Variants in TAAR5 observed in about 807,000 individuals in gnomAD.
TAAR5 encodes trace amine-associated receptor 5.
A neutral mutation model predicts 21.1 loss-of-function variants in TAAR5; 27 were observed. The ratio of observed to expected loss-of-function variants is 1.28; its 90% CI spans 0.94 to 1.76. The LOEUF is 1.76. Ranked by LOEUF, TAAR5 falls within the 40% of genes most tolerant of loss-of-function variation. TAAR5 has a pLI of 0.00. For synonymous variants in TAAR5, 203 were observed against 167.5 expected (o/e 1.21, Z -1.64); for missense variants, 495 against 405.6 (o/e 1.22, Z -1.89).
the TAAR5 span, among the ~76,000 whole-genome samples, chr6:132,611,880 C>T: frequency 1.3e-5 from 2 of 152,154 alleles, no homozygotes; most frequent in Non-Finnish European, 2.9e-5. Context: ...ATCCTTTTGT[C>T]ATACTTTTGC....
the TAAR5 span, among the ~76,000 whole-genome samples, chr6:132,613,637 A>G: frequency 1.3e-5 from 2 of 152,210 alleles, no homozygotes; most frequent in African/African-American, 2.4e-5. Flanking sequence ...TCAGATTTGC[A>G]ATGCAATATA....
At chr6:132,600,029 A>G in the TAAR5 span, among the ~76,000 whole-genome samples, 1 of 152,228 alleles carries the variant, frequency 6.6e-6, no homozygotes, top group Non-Finnish European at 1.5e-5. Context: ...TACTAATAGT[A>G]ACTGTAGGAG....
At chr6:132,605,268 A>G in the TAAR5 span, among the ~76,000 whole-genome samples, 236 of 152,352 alleles carry the variant, frequency 1.5e-3, 1 homozygote, top group African/African-American at 5.5e-3. Flanking sequence ...ATCGATTGGA[A>G]AGCTGTGAAA....
chr6:132,601,107 A>AGGAGG, the TAAR5 span, among the ~76,000 whole-genome samples: 25 of 125,430 alleles, frequency 2.0e-4, no homozygotes, highest in African/African-American at 3.5e-4. Flanking sequence ...GAAGGAGGGA[A>AGGAGG]GAAGGGAAGG....
chr6:132,595,656 T>C, the TAAR5 span, among the ~76,000 whole-genome samples: 1 of 152,170 alleles, frequency 6.6e-6, no homozygotes, highest in Non-Finnish European at 1.5e-5. Flanking sequence ...TAGGGATCTT[T>C]TTAAAACACA....
the TAAR5 span, among the ~76,000 whole-genome samples, chr6:132,615,788 T>C: frequency 1.1e-4 from 17 of 151,924 alleles, no homozygotes; most frequent in African/African-American, 4.1e-4. Flanking sequence ...TACTCTCTTC[T>C]TGAAAACTCA....
chr6:132,615,621 G>A, the TAAR5 span, among the ~76,000 whole-genome samples: 11 of 152,006 alleles, frequency 7.2e-5, no homozygotes, highest in East Asian at 2.1e-3. Flanking sequence ...CCTGGGAAAT[G>A]AAGACAGAGT....
At chr6:132,606,364 C>T in the TAAR5 span, among the ~76,000 whole-genome samples, 19 of 152,172 alleles carry the variant, frequency 1.2e-4, no homozygotes, top group East Asian at 1.9e-4. Flanking sequence ...GAAGGACCAG[C>T]GGGTATAAAT....
the TAAR5 span, among the ~76,000 whole-genome samples, chr6:132,606,703 C>T: frequency 1.3e-5 from 2 of 152,194 alleles, no homozygotes; most frequent in African/African-American, 4.8e-5. Context: ...ACGATGGTGA[C>T]AGGGAGGTAG....
chr6:132,601,990 G>A, the TAAR5 span, among the ~76,000 whole-genome samples: 5 of 152,022 alleles, frequency 3.3e-5, no homozygotes, highest in South Asian at 8.3e-4. Context: ...TGAATTTTTT[G>A]AATTCAAAAT....
the TAAR5 span, among the ~76,000 whole-genome samples, chr6:132,606,974 T>C: frequency 6.6e-6 from 1 of 152,260 alleles, no homozygotes; most frequent in South Asian, 2.1e-4. Context: ...GGAGGGCAGA[T>C]TGCTTGAGCC....
chr6:132,611,224 A>T, the TAAR5 span, among the ~76,000 whole-genome samples: 1 of 152,028 alleles, frequency 6.6e-6, no homozygotes, highest in African/African-American at 2.4e-5. Flanking sequence ...AAGAAAAAAA[A>T]AAAAGCATTG....
At chr6:132,591,792 T>G (rs561996570), upstream of TAAR5, among the ~76,000 whole-genome samples, 1 of 152,374 alleles carries the variant, frequency 6.6e-6, no homozygotes, top group East Asian at 1.9e-4. Flanking sequence ...CCTACTAAAA[T>G]GTAATATGTA....
the TAAR5 span, among the ~76,000 whole-genome samples, chr6:132,615,751 A>T: frequency 2.0e-5 from 3 of 152,058 alleles, no homozygotes; most frequent in Non-Finnish European, 4.4e-5. Context: ...TGACAGATTT[A>T]CTTTCATAAC....
the TAAR5 span, among the ~76,000 whole-genome samples, chr6:132,600,935 G>A: frequency 5.3e-5 from 5 of 95,206 alleles, no homozygotes; most frequent in Non-Finnish European, 5.7e-5. Flanking sequence ...GAGGGAAGGA[G>A]GGAAGGAGGG....
upstream of TAAR5, among the ~76,000 whole-genome samples, chr6:132,590,064 A>G (rs376652564): frequency 5.3e-4 from 80 of 152,330 alleles, no homozygotes; most frequent in African/African-American, 1.9e-3. Context: ...ATAATAGAGA[A>G]TGTCTCTTAC....
chr6:132,602,580 G>A, the TAAR5 span, among the ~76,000 whole-genome samples: 1 of 152,048 alleles, frequency 6.6e-6, no homozygotes, highest in African/African-American at 2.4e-5. Flanking sequence ...TTGCTTGCCT[G>A]CCCCTCATCT....
At chr6:132,600,101 A>G in the TAAR5 span, among the ~76,000 whole-genome samples, 1,429 of 152,280 alleles carry the variant, frequency 9.4e-3, 22 homozygotes, top group African/African-American at 0.033. Context: ...CTAGAAGCAC[A>G]GAACAGGGGC....
the TAAR5 span, among the ~76,000 whole-genome samples, chr6:132,603,494 C>CA: frequency 0.16 from 21,982 of 135,830 alleles, 2,142 homozygotes; most frequent in African/African-American, 0.28. Flanking sequence ...CATTTTCTCT[C>CA]AAAAAAAAAA....
Sources: allele counts gnomAD v4.1 joint callset (sites outside exome capture counted in the v4.1 genomes callset), GRCh38; gene constraint gnomAD v4.1.1; transcripts MANE v1.5; gene names NCBI Gene and HGNC (gene_info 2026-07-23, HGNC 2026-07-21).